Variants in CNNM1 observed in about 807,000 individuals in gnomAD.
The protein encoded by CNNM1 is cyclin and CBS domain divalent metal cation transport mediator 1, also known as metal transporter CNNM1.
CNNM1 carries 44 observed loss-of-function variants against 78.8 expected under a neutral mutation model. The observed-to-expected ratio is 0.56, with a 90% CI of 0.44 to 0.72. The LOEUF (loss-of-function observed/expected upper bound fraction) is 0.72. CNNM1 is among the 30% of genes least tolerant of loss of function. The pLI, the probability that CNNM1 is intolerant of heterozygous loss-of-function variation, is 0.00. For missense variants in CNNM1, 1,101 were observed against 1,292.2 expected (o/e 0.85, Z 2.27); for synonymous variants, 584 against 581.5 (o/e 1.00, Z -0.06).
At chr10:99,343,263 G>A (rs569967123) in intron 1 of CNNM1, among the ~76,000 whole-genome samples, 122 of 152,016 alleles carry the variant, frequency 8.0e-4, no homozygotes, top group African/African-American at 2.7e-3. Context: ...GTGACCGCCC[G>A]GCATGTCTTT....
Position 99,357,572 on chromosome 10 carries a change from A to G in CNNM1, c.1634A>G (p.Tyr545Cys). 6.2e-7 allele frequency: 1 copy of G among 1,613,730 alleles called. No individual in the cohort carries two copies. The highest frequency in any genetic ancestry group is 8.5e-7 in the Non-Finnish European group (1 of 1,179,742). ...AATGAGGGAGAAGGGGACCCTTTCT[A>G]TGAGGTGATGGGCATTGTCACGCTG... ...VNNEGEGDPF[Y>C]EVMGIVTLED... is the part of the protein sequence containing the mutation. Residue 545 changes from tyrosine (Y) to cysteine (C), a missense_variant, in exon 2 of 11, where the codon TAT becomes TGT. Around this residue, in one of 3 missense-constraint regions of CNNM1, gnomAD observed 277 missense variants for 423.2 expected, o/e 0.65. Transcript: ENST00000356713.
intron 6 of CNNM1, among the ~76,000 whole-genome samples, chr10:99,366,324 T>C (rs2031617230): frequency 6.6e-6 from 1 of 152,156 alleles, no homozygotes. Context: ...ATCTCCATCA[T>C]CCATCACATT....
intron 1 of CNNM1, among the ~76,000 whole-genome samples, chr10:99,331,773 G>C (rs2029928173): frequency 6.6e-6 from 1 of 152,202 alleles, no homozygotes; most frequent in African/African-American, 2.4e-5. Flanking sequence ...GACTAAGGCA[G>C]TAGGATCCTT....
intron 7 of CNNM1, among the ~76,000 whole-genome samples, chr10:99,384,371 T>C (rs1262253365): frequency 6.6e-6 from 1 of 152,144 alleles, no homozygotes; most frequent in African/African-American, 2.4e-5. Flanking sequence ...AAGAGAGCTG[T>C]GTGAAAGAAA....
chr10:99,355,177 A>G (rs1321609758), intron 1 of CNNM1, among the ~76,000 whole-genome samples: 2 of 151,288 alleles, frequency 1.3e-5, no homozygotes, highest in South Asian at 2.1e-4. Context: ...AAGAGTTTAT[A>G]AAGGGTAAAA....
rs945981208 is a variant in CNNM1 at position 99,330,235 on chromosome 10, T to C, written c.848T>C (p.Leu283Pro). 6.5e-7 allele frequency: 1 copy of C among 1,537,830 alleles called. No individual in the cohort carries two copies. Among genetic ancestry groups the C allele is most frequent in the African/African-American group, 1.4e-5 (1 of 73,346 alleles). ...QAVRGRGTHL[L>P]CTLLLGQAGA... ...GTTCGCGGCAGGGGGACCCATCTGC[T>C]CTGCACCCTACTCCTGGGCCAAGCC... is the stretch of plus-strand genomic sequence containing the variant. Residue 283 changes from leucine (L) to proline (P), a missense_variant, in exon 1 of 11, where the codon CTC becomes CCC. Leu to Pro is a moderately conservative substitution (Grantham distance 98). This residue lies in a region of CNNM1 where 476 missense variants were observed against 484.5 expected (regional missense o/e 0.98). Transcript: ENST00000356713.
chr10:99,332,548 AGGAG>A (rs968760359), intron 1 of CNNM1, among the ~76,000 whole-genome samples: 3 of 140,968 alleles, frequency 2.1e-5, no homozygotes, highest in African/African-American at 5.1e-5. Flanking sequence ...GAGGAAGGGA[AGGAG>A]GGAGGGAGGG....
At position 99,392,666 on chromosome 10, in the gene CNNM1, T is replaced by A. The variant is rs2032506542; in HGVS notation, c.*1150T>A. ...CACCAGATGGCAGAGTGACCGCGCA[T>A]ACCTGCTTCCAAGAATAAAACAGTT... On this transcript the variant is annotated 3_prime_UTR_variant, in exon 11 of 11. Coordinates refer to ENST00000356713, the MANE Select transcript of CNNM1 (RefSeq NM_020348.3). 6.6e-6 allele frequency: 1 copy of A among 152,182 alleles called. No homozygotes were observed. Among genetic ancestry groups the A allele is most frequent in the Non-Finnish European group, 1.5e-5 (1 of 68,056 alleles). The allele number at this position is 152,182 out of a possible 1,614,324, so 9.4% of individuals were successfully genotyped here.
intron 1 of CNNM1, among the ~76,000 whole-genome samples, chr10:99,341,029 T>C (rs1258584622): frequency 6.6e-6 from 1 of 152,096 alleles, no homozygotes; most frequent in Non-Finnish European, 1.5e-5. Flanking sequence ...CACCAAGCAA[T>C]AAATAATTAC....
rs3829211 is a variant in CNNM1, at chr10:99,377,306, G to A, written c.2340+88G>A. 0.68 allele frequency: 861,120 copies of A among 1,271,752 alleles called. 302,637 individuals are homozygous for A. The highest frequency in any genetic ancestry group is 0.73 in the Non-Finnish European group (656,800 of 900,954). 78.8% of individuals were successfully genotyped at this position (1,271,752 alleles called of 1,614,324 possible). A position where few individuals can be genotyped will look rare whatever the true frequency, so the allele number is the denominator to read the frequency against. ...ACAAGAAGACTACCCCCATTCCTAGGAGGGATGTGTGCACCATTCCCCTGT... is the reference window on the plus strand; with the variant it reads ...ACAAGAAGACTACCCCCATTCCTAGAAGGGATGTGTGCACCATTCCCCTGT... On this transcript the variant is annotated intron_variant, in intron 7 of 10. Transcript: ENST00000356713.
chr10:99,344,530 A>G (rs746991909), intron 1 of CNNM1, among the ~76,000 whole-genome samples: 1 of 152,184 alleles, frequency 6.6e-6, no homozygotes, highest in South Asian at 2.1e-4. Flanking sequence ...CAGCCCATGT[A>G]AAACTGTATA....
chr10:99,384,340 T>TA (rs1005450565), intron 7 of CNNM1, among the ~76,000 whole-genome samples: 3 of 152,074 alleles, frequency 2.0e-5, no homozygotes, highest in South Asian at 2.1e-4. Flanking sequence ...GTTCATGATT[T>TA]AAAAAAAAAT....
rs2032006654 is a variant in CNNM1 at position 99,377,347 on chromosome 10, T to A, written c.2340+129T>A. The A allele has an allele frequency of 3.4e-6, 3 of 885,422 alleles. No homozygotes were observed. The East Asian group carries it at 8.0e-5, about 24-fold the overall frequency. The allele number at this position is 885,422 out of a possible 1,614,324, so 54.8% of individuals were successfully genotyped here. A position where few individuals can be genotyped will look rare whatever the true frequency, so the allele number is the denominator to read the frequency against. ...ATTCCCCTGTGTTCCAATACAGTGC[T>A]GGGTGGTAACTGCTACTGGCTGTAT... On this transcript the variant is annotated intron_variant, in intron 7 of 10. Coordinates refer to ENST00000356713, the MANE Select transcript of CNNM1 (RefSeq NM_020348.3).
intron 10 of CNNM1, among the ~76,000 whole-genome samples, chr10:99,391,033 T>C (rs1195711122): frequency 6.6e-6 from 1 of 152,258 alleles, no homozygotes; most frequent in South Asian, 2.1e-4. Flanking sequence ...GGCTTGCAGC[T>C]ACAGCCACCA....
chr10:99,347,694 C>T (rs911995394), intron 1 of CNNM1, among the ~76,000 whole-genome samples: 1 of 151,780 alleles, frequency 6.6e-6, no homozygotes, highest in Non-Finnish European at 1.5e-5. Context: ...CCTCCCCTAC[C>T]CCTCAACTCC....
Position 99,362,428 on chromosome 10 carries a change from C to G in CNNM1, c.2028+32C>G, listed in dbSNP as rs372135038. On this transcript the variant is annotated intron_variant, in intron 4 of 10. Transcript: ENST00000356713. ...AGGAAAGTCAGGGAACCTCTGAGAG[C>G]CAGAGGAGGGCATCTCCAGGGTGAA... 2.6e-5 allele frequency: 41 copies of G among 1,593,158 alleles called. No homozygotes were observed. In the African/African-American group the frequency reaches 4.7e-4, roughly 18 times the overall value.
rs2032471322 is a variant in CNNM1 at position 99,391,501 on chromosome 10, A to T, written c.2841A>T (p.Thr947=). The T allele has an allele frequency of 1.9e-6, 3 of 1,613,690 alleles. No homozygotes were observed. The highest frequency in any genetic ancestry group is 2.5e-6 in the Non-Finnish European group (3 of 1,179,704). Residue 947 remains threonine (T), a synonymous_variant, in exon 11 of 11, where the codon ACA becomes ACT. Transcript: ENST00000356713. ...CCTCTGAGGACAACTCCAATTTAAC[A>T]CCTCTGATCACATGACAGGGCAAAG... ...ERTSEDNSNL[T]PLIT is the part of the protein sequence containing the mutation.
chr10:99,363,464 G>C (rs529350110), intron 4 of CNNM1, among the ~76,000 whole-genome samples: 1 of 152,078 alleles, frequency 6.6e-6, no homozygotes, highest in Non-Finnish European at 1.5e-5. Flanking sequence ...AAGAGTGTAC[G>C]CTCAGAAATT....
In CNNM1 at chr10:99,360,985, G is replaced by C; in HGVS notation, c.1858+10G>C. 1 of 1,597,266 alleles carries C rather than the reference G, an allele frequency of 6.3e-7. No individual in the cohort carries two copies. ...CGCTTCATGGCCACAGGTAGGACAA[G>C]TCTCCACTCCAGAGAAGCTAAAACA... On this transcript the variant is annotated intron_variant, in intron 3 of 10. Transcript: ENST00000356713.
Sources: allele counts gnomAD v4.1 joint callset (sites outside exome capture counted in the v4.1 genomes callset), GRCh38; gene constraint gnomAD v4.1.1; regional missense constraint gnomAD v4.1.1; transcripts MANE v1.5; gene names NCBI Gene and HGNC (gene_info 2026-07-23, HGNC 2026-07-21).